The following SEC16A variants were observed in gnomAD, a reference collection of about 807,000 sequenced individuals.
SEC16A encodes the protein protein transport protein Sec16A.
SEC16A carries 110 observed loss-of-function variants against 221.9 expected under a neutral mutation model. The observed-to-expected ratio is 0.50, with a 90% CI of 0.42 to 0.58. The LOEUF is 0.58. SEC16A is among the 20% of genes least tolerant of loss of function. The probability of loss-of-function intolerance (pLI) is 0.00; values close to 1 mark genes in which losing one functional copy is unlikely to be tolerated. For missense variants in SEC16A, 3,165 were observed against 3,097.8 expected (o/e 1.02, Z -0.52); for synonymous variants, 1,393 against 1,257.7 (o/e 1.11, Z -2.28).
chr9:136,452,467 A>C (rs1468389347), intron 22 of SEC16A, among the ~76,000 whole-genome samples: 1 of 146,162 alleles, frequency 6.8e-6, no homozygotes, highest in African/African-American at 2.5e-5. Context: ...AAAAAAAAAA[A>C]AAAAAAAAAA....
At position 136,451,338 on chromosome 9, in the gene SEC16A, T is replaced by C. The variant is rs1837774865; in HGVS notation, c.6230A>G (p.Gln2077Arg). ...AGCGGGTGAGAGAGACAGAGGTGGC[T>C]GCGTGGGACCCGAGTCGGCACGATC... ...GWDRADSGPT[Q>R]PPLSLSPAPE... Residue 2077 changes from glutamine (Q) to arginine (R), a missense_variant, in exon 23 of 32, where the codon CAG becomes CGG. Coordinates refer to ENST00000684901, the MANE Select transcript of SEC16A (RefSeq NM_014866.2). 1.2e-6 allele frequency: 2 copies of C among 1,613,784 alleles called. No homozygotes were observed. Among genetic ancestry groups the C allele is most frequent in the East Asian group, 4.5e-5 (2 of 44,870 alleles).
chr9:136,468,384 AAGG>A, intron 5 of SEC16A, 28 bp downstream of exon 5: 1 of 1,466,392 alleles, frequency 6.8e-7, no homozygotes, highest in Non-Finnish European at 9.5e-7. Flanking sequence ...GGCACCTGCT[AAGG>A]CCAGCTGCTT....
In SEC16A at chr9:136,476,099, G is replaced by A; in HGVS notation, c.1517C>T (p.Thr506Ile). 1 of 1,613,652 alleles carries A rather than the reference G, an allele frequency of 6.2e-7. No homozygotes were observed. Among genetic ancestry groups the A allele is most frequent in the Non-Finnish European group, 8.5e-7 (1 of 1,179,872 alleles). Residue 506 changes from threonine (T) to isoleucine (I), a missense_variant, in exon 3 of 32, where the codon ACC (threonine) becomes ATC (isoleucine). Physicochemically the swap from Thr to Ile is moderately conservative, Grantham distance 89. Coordinates refer to ENST00000684901, the MANE Select transcript of SEC16A (RefSeq NM_014866.2). ...ATGCAGTGTGGCATCAGGGGCTCCGGTGTGGCACACAGCACCATGCCTGGG... is the reference window on the plus strand; with the variant it reads ...ATGCAGTGTGGCATCAGGGGCTCCGATGTGGCACACAGCACCATGCCTGGG... ...AVPRHGAVCH[T>I]GAPDATLHTV...
At chr9:136,479,030 G>C (rs532061378) in intron 1 of SEC16A, among the ~76,000 whole-genome samples, 200 bp from the exon 2 acceptor site, 22 of 152,276 alleles carry the variant, frequency 1.4e-4, no homozygotes, top group African/African-American at 4.8e-4. Flanking sequence ...GCCTGGAATG[G>C]AAACTCCCAG....
intron 12 of SEC16A, among the ~76,000 whole-genome samples, chr9:136,461,934 C>T (rs1258353332): frequency 3.3e-5 from 5 of 150,094 alleles, no homozygotes; most frequent in Non-Finnish European, 5.9e-5. Context: ...GGTGAAACCC[C>T]GTCTCTACAA....
At position 136,476,764 on chromosome 9, in the gene SEC16A, G is replaced by C; in HGVS notation, c.852C>G (p.Ser284Arg). ...CCAGGTGGCTTCCACTTTGCAAGTG[G>C]CTCACCTCGTCTCTTCCGTCACTGG... ...ALPSDGRDEV[S>R]HLQSGSHLAN... Residue 284 changes from serine to arginine, a missense_variant, in exon 3 of 32, where the codon AGC (serine) becomes AGG (arginine). Physicochemically the swap from Ser to Arg is moderately radical, Grantham distance 110. This residue lies in a region of SEC16A where 2,030 missense variants were observed against 1,923.1 expected (regional missense o/e 1.06). Coordinates refer to ENST00000684901, the MANE Select transcript of SEC16A (RefSeq NM_014866.2). 6.2e-7 allele frequency: 1 copy of C among 1,610,786 alleles called. No individual in the cohort carries two copies. The highest frequency in any genetic ancestry group is 8.5e-7 in the Non-Finnish European group (1 of 1,177,758).
chr9:136,444,433 G>A (rs780983686), intron 30 of SEC16A, among the ~76,000 whole-genome samples: 6 of 152,216 alleles, frequency 3.9e-5, no homozygotes, highest in African/African-American at 7.2e-5. Flanking sequence ...CCTTCCAAAG[G>A]AGAGCATCCT....
intron 8 of SEC16A, 62 bp from the exon 9 acceptor site, chr9:136,464,624 A>AT: frequency 7.0e-7 from 1 of 1,427,260 alleles, no homozygotes; most frequent in South Asian, 1.2e-5. Flanking sequence ...CTGAGCCTAG[A>AT]TTTTCAATGT....
At position 136,441,670 on chromosome 9, in the gene SEC16A, G is replaced by T. The variant is rs143162898; in HGVS notation, c.*85C>A. The stretch of plus-strand genomic sequence containing the variant: ...TCACTGCTGTGTCTCCCTGGGGGCG[G>T]GACGGAGATCGCGGAGGTCGGTCGG... On this transcript the variant is annotated 3_prime_UTR_variant, in exon 32 of 32. Coordinates refer to ENST00000684901, the MANE Select transcript of SEC16A (RefSeq NM_014866.2). The T allele has an allele frequency of 8.2e-7, 1 of 1,215,762 alleles. No homozygotes were observed. Among genetic ancestry groups the T allele is most frequent in the Non-Finnish European group, 1.2e-6 (1 of 826,672 alleles). 75.3% of individuals were successfully genotyped at this position (1,215,762 alleles called of 1,614,324 possible).
chr9:136,464,732 G>C (rs575397225), intron 8 of SEC16A, among the ~76,000 whole-genome samples, 170 bp from the exon 9 acceptor site: 1 of 152,298 alleles, frequency 6.6e-6, no homozygotes, highest in South Asian at 2.1e-4. Flanking sequence ...TAGAACTTCA[G>C]CATACGTCAG....
Position 136,440,980 on chromosome 9 carries a change from TCAGA to T in SEC16A, c.*771_*774del, listed in dbSNP as rs1836128234. On this transcript the variant is annotated 3_prime_UTR_variant, in exon 32 of 32. Transcript: ENST00000684901. ...TGGATGACCACCCTGAGCCATCATGTCAGACAGCCGGCTCTCTGGGGCTCCTTCC... is the reference window on the plus strand; with the variant it reads ...TGGATGACCACCCTGAGCCATCATGTCAGCCGGCTCTCTGGGGCTCCTTCC... 6.6e-6 allele frequency: 1 copy of T among 152,386 alleles called. No individual in the cohort carries two copies. Among genetic ancestry groups the T allele is most frequent in the Non-Finnish European group, 1.5e-5 (1 of 68,072 alleles). The allele number at this position is 152,386 out of a possible 1,614,324, so 9.4% of individuals were successfully genotyped here. A position where few individuals can be genotyped will look rare whatever the true frequency, so the allele number is the denominator to read the frequency against.
chr9:136,464,519 A>T lies in SEC16A; in HGVS notation c.4347T>A (p.His1449Gln). The change falls in exon 9 of 32, where the codon CAT becomes CAA. Residue 1449 changes from histidine (H) to glutamine (Q), a missense_variant. By Grantham distance (24) the His-to-Gln change is conservative. Coordinates refer to ENST00000684901, the MANE Select transcript of SEC16A (RefSeq NM_014866.2). ...PTSPEKFSVP[H>Q]VCARFGPGGQ... ...CGCCAGGGCCAAACCTGGCACAGAC[A>T]TGAGGCACTGAAAATTTTTCAGGAG... 1 of 1,607,288 alleles carries T rather than the reference A, an allele frequency of 6.2e-7. No homozygotes were observed. The highest frequency in any genetic ancestry group is 8.5e-7 in the Non-Finnish European group (1 of 1,174,276).
Position 136,463,052 on chromosome 9 carries a change from T to C in SEC16A, c.4728A>G (p.Glu1576=). 6.2e-7 allele frequency: 1 copy of C among 1,612,738 alleles called. No homozygotes were observed. Among genetic ancestry groups the C allele is most frequent in the Non-Finnish European group, 8.5e-7 (1 of 1,179,894 alleles). ...CATTCGTGAAATCAATCAGGTTTGC[T>C]TCATTGGGCGACTTCCCAGGAAGCC... The part of the protein sequence containing the change: ...TVWLPGKSPN[E]ANLIDFTNEA... The change falls in exon 12 of 32, where the codon GAA becomes GAG. Residue 1576 remains glutamate (E), a synonymous_variant. Transcript: ENST00000684901.
At chr9:136,450,796 C>CGTTT (rs1320562108) in intron 23 of SEC16A, among the ~76,000 whole-genome samples, 1 of 152,156 alleles carries the variant, frequency 6.6e-6, no homozygotes, top group Non-Finnish European at 1.5e-5. Flanking sequence ...GCGAGCTAAA[C>CGTTT]CCTCAGCTCC....
At chr9:136,450,162 C>T (rs957433988) in intron 23 of SEC16A, among the ~76,000 whole-genome samples, 4 of 152,108 alleles carry the variant, frequency 2.6e-5, no homozygotes, top group African/African-American at 9.7e-5. Context: ...CAAGATCATG[C>T]CAATGCACTC....
Position 136,477,076 on chromosome 9 carries a change from A to C in SEC16A, c.540T>G (p.Pro180=). 6 of 1,613,820 alleles carry C rather than the reference A, an allele frequency of 3.7e-6. No individual in the cohort carries two copies. The highest frequency in any genetic ancestry group is 5.1e-6 in the Non-Finnish European group (6 of 1,179,866). ...SHGGHPHGNM[P]GLDRPLSRQN... is the part of the protein sequence containing the mutation. ...GCCTGCTCAGGGGTCGGTCGAGCCC[A>C]GGCATGTTCCCATGAGGGTGGCCCC... Residue 180 remains proline, a synonymous_variant, in exon 3 of 32, where the codon CCT becomes CCG. Coordinates refer to ENST00000684901, the MANE Select transcript of SEC16A (RefSeq NM_014866.2).
intron 20 of SEC16A, among the ~76,000 whole-genome samples, 198 bp from the exon 21 acceptor site, chr9:136,454,525 C>T (rs766477762): frequency 2.6e-5 from 4 of 152,312 alleles, no homozygotes; most frequent in South Asian, 2.1e-4. Flanking sequence ...GCAGAGTATC[C>T]GCTTCCTTTT....
chr9:136,483,221 TCCCGCCCCCTCTGC>T (rs1217729610), upstream of SEC16A, among the ~76,000 whole-genome samples: 6 of 91,172 alleles, frequency 6.6e-5, no homozygotes, highest in Admixed American at 2.1e-4. Flanking sequence ...CATCCCTCTG[TCCCGCCCCCTCTGC>T]CCCCGCCCCT....
chr9:136,451,427 G>C lies in SEC16A; in HGVS notation c.6160-19C>G, dbSNP rs574557785. On this transcript the variant is annotated intron_variant, in intron 22 of 31. Coordinates refer to ENST00000684901, the MANE Select transcript of SEC16A (RefSeq NM_014866.2). ...AGGGGGTCTGTCGCAAGGAAATGCA[G>C]AACAGGCTCTCCTGGGGCTCCTCAC... The C allele has an allele frequency of 9.5e-6, 15 of 1,574,992 alleles. No homozygotes were observed. In the East Asian group the frequency reaches 2.9e-4, roughly 31 times the overall value.
Sources: gnomAD v4.1 joint callset for allele counts (sites outside exome capture counted in the v4.1 genomes callset) on GRCh38, gnomAD v4.1.1 for gene constraint, gnomAD v4.1.1 regional missense constraint, MANE v1.5 for transcripts, NCBI Gene and HGNC (gene_info 2026-07-23, HGNC 2026-07-21) for gene names.